The following GLIS3 variants were observed in gnomAD, a reference collection of about 807,000 sequenced individuals.
GLIS3 encodes GLIS family zinc finger 3.
In GLIS3, 53 loss-of-function variants were observed where a neutral mutation model predicts 78.6. The observed-to-expected ratio is 0.67, with a 90% confidence interval of 0.54 to 0.85. The LOEUF is 0.85. Among genes scored for constraint, GLIS3 ranks in the 40% least tolerant of loss-of-function variants. GLIS3 has a pLI of 0.00. For synonymous variants in GLIS3, 684 were observed against 509.9 expected, an observed-to-expected ratio of 1.34 and a Z score of -4.60; for missense variants, 1,703 against 1,231.1, an observed-to-expected ratio of 1.38 and a Z score of -5.74.
chr9:4,054,554 G>A (rs1825983481), intron 4 of GLIS3: 1 of 934,324 alleles, frequency 1.1e-6, no homozygotes, highest in African/African-American at 1.8e-5. Context: ...TCAGTGCGGA[G>A]CAGGTCACAA....
At chr9:3,991,840 G>A (rs897878920) in intron 4 of GLIS3, among the ~76,000 whole-genome samples, 14 of 151,880 alleles carry the variant, frequency 9.2e-5, no homozygotes, top group Non-Finnish European at 1.8e-4. Flanking sequence ...ACAGGCGCCT[G>A]CAACCATGCC....
chr9:4,246,933 T>C (rs1041587533), intron 2 of GLIS3, among the ~76,000 whole-genome samples: 2 of 152,198 alleles, frequency 1.3e-5, no homozygotes, highest in Non-Finnish European at 2.9e-5. Context: ...ACATTGGCAA[T>C]AAAGAAGATC....
intron 4 of GLIS3, among the ~76,000 whole-genome samples, chr9:3,956,136 T>C (rs1817095684): frequency 6.6e-6 from 1 of 151,834 alleles, no homozygotes; most frequent in South Asian, 2.1e-4. Flanking sequence ...TTACATTACC[T>C]AATGGTCATT....
intron 2 of GLIS3, among the ~76,000 whole-genome samples, chr9:4,159,932 A>G (rs1217811074): frequency 3.9e-5 from 6 of 152,176 alleles, no homozygotes; most frequent in African/African-American, 1.4e-4. Context: ...TTTATACAGT[A>G]TTTCAACTCA....
At chr9:4,329,304 A>G (rs1587388928) in intron 2 of GLIS3, among the ~76,000 whole-genome samples, 1 of 152,196 alleles carries the variant, frequency 6.6e-6, no homozygotes, top group South Asian at 2.1e-4. Context: ...TTTCCCATTC[A>G]TATCCTCACA....
At chr9:4,055,434 AG>A (rs1349090470) in intron 4 of GLIS3, among the ~76,000 whole-genome samples, 1 of 152,190 alleles carries the variant, frequency 6.6e-6, no homozygotes, top group Non-Finnish European at 1.5e-5. Context: ...TGCCAAGTTC[AG>A]GGCCTGACCA....
At chr9:4,284,716 G>C (rs1358533506) in intron 2 of GLIS3, among the ~76,000 whole-genome samples, 1 of 150,674 alleles carries the variant, frequency 6.6e-6, no homozygotes, top group Non-Finnish European at 1.5e-5. Context: ...TTGGAGACCA[G>C]CCTGAGCAAC....
At chr9:4,307,928 C>G (rs11999334) in intron 4 of GLIS3, among the ~76,000 whole-genome samples, 1 of 152,094 alleles carries the variant, frequency 6.6e-6, no homozygotes, top group Non-Finnish European at 1.5e-5. Context: ...GATAGAATTG[C>G]GGGTTGTTTA....
At chr9:3,988,321 C>T (rs1432652832) in intron 4 of GLIS3, among the ~76,000 whole-genome samples, 1 of 152,060 alleles carries the variant, frequency 6.6e-6, no homozygotes, top group Non-Finnish European at 1.5e-5. Context: ...AGAAGGAATC[C>T]TGGCACATCA....
Position 3,970,683 on chromosome 9 carries a change from C to G in GLIS3, c.1711-33494G>C, listed in dbSNP as rs111785622. ...AGCATGGAGTTGCAGGATTATTCAG[C>G]AGAGCAGAAACTGAGATTAAGTTGA... On this transcript the variant is annotated intron_variant, in intron 4 of 10. Coordinates refer to ENST00000381971, the MANE Select transcript of GLIS3 (RefSeq NM_001042413.2). Among the ~76,000 whole-genome samples the G allele has an allele frequency of 6.8e-3, 1,035 of 152,268 alleles. 9 individuals carry two copies. Among genetic ancestry groups the G allele is most frequent in the African/African-American group, 0.023 (944 of 41,558 alleles).
chr9:3,985,659 T>A (rs1054956989), intron 4 of GLIS3, among the ~76,000 whole-genome samples: 4 of 152,172 alleles, frequency 2.6e-5, no homozygotes, highest in African/African-American at 9.6e-5. Flanking sequence ...CAATGTCAAT[T>A]AGTAATAGGA....
At chr9:4,321,410 A>G (rs1419461345) in intron 2 of GLIS3, among the ~76,000 whole-genome samples, 1 of 95,408 alleles carries the variant, frequency 1.0e-5, no homozygotes, top group Non-Finnish European at 1.8e-5. Context: ...CCACAGAGCT[A>G]GACTCCGTCT....
chr9:4,266,143 C>A (rs923062436), intron 2 of GLIS3, among the ~76,000 whole-genome samples: 1 of 151,894 alleles, frequency 6.6e-6, no homozygotes, highest in Non-Finnish European at 1.5e-5. Flanking sequence ...TGGTCTCGAT[C>A]TCCTGACCTC....
chr9:4,091,517 G>A (rs538815246), intron 4 of GLIS3, among the ~76,000 whole-genome samples: 23 of 139,256 alleles, frequency 1.7e-4, no homozygotes, highest in Non-Finnish European at 2.3e-4. Context: ...TAGACTACAC[G>A]CACACGTGCA....
intron 4 of GLIS3, among the ~76,000 whole-genome samples, chr9:3,993,608 G>A (rs984942921): frequency 6.6e-6 from 1 of 152,262 alleles, no homozygotes; most frequent in African/African-American, 2.4e-5. Context: ...GGTTCCTAAT[G>A]AATGTCCACA....
chr9:3,934,715 T>C (rs1825799125), intron 5 of GLIS3, among the ~76,000 whole-genome samples: 1 of 152,118 alleles, frequency 6.6e-6, no homozygotes, highest in African/African-American at 2.4e-5. Flanking sequence ...AGCCTTCTGT[T>C]TGATTTTGAG....
intron 1 of GLIS3, among the ~76,000 whole-genome samples, chr9:4,347,488 C>T (rs1387899732): frequency 6.6e-6 from 1 of 152,176 alleles, no homozygotes; most frequent in South Asian, 2.1e-4. Flanking sequence ...TGTTAAAATG[C>T]AGATTCCTAC....
At chr9:4,438,691 G>C in the GLIS3 span, among the ~76,000 whole-genome samples, 8 of 152,308 alleles carry the variant, frequency 5.3e-5, 1 homozygote, top group South Asian at 1.0e-3. Flanking sequence ...GGTTCCCCAT[G>C]CTGTTCTCAT....
At chr9:4,315,177 C>G (rs1817419821) in intron 2 of GLIS3, among the ~76,000 whole-genome samples, 1 of 152,192 alleles carries the variant, frequency 6.6e-6, no homozygotes, top group African/African-American at 2.4e-5. Context: ...TGGCCTTTCT[C>G]ACACTTAAAA....
Sources: allele counts gnomAD v4.1 joint callset (sites outside exome capture counted in the v4.1 genomes callset), GRCh38; gene constraint gnomAD v4.1.1; transcripts MANE v1.5; gene names NCBI Gene and HGNC (gene_info 2026-07-23, HGNC 2026-07-21).